ADARB2: variants seen among roughly 807,000 people sequenced by gnomAD.
ADARB2 encodes the protein inactive double-stranded RNA-specific editase B2.
In ADARB2, 25 loss-of-function variants were observed where a neutral mutation model predicts 62.2. That is an observed-to-expected ratio of 0.40 (90% confidence interval 0.29 to 0.56). ADARB2 has a LOEUF of 0.56. Ranked by LOEUF, ADARB2 falls within the 20% of genes least tolerant of loss-of-function variation. The pLI, the probability that ADARB2 is intolerant of heterozygous loss-of-function variation, is 0.43. For missense variants in ADARB2, 1,071 were observed against 1,077.4 expected (o/e 0.99, Z 0.08); for synonymous variants, 572 against 500.8 (o/e 1.14, Z -1.90).
intron 3 of ADARB2, among the ~76,000 whole-genome samples, chr10:1,305,400 G>A (rs996652814): frequency 5.3e-5 from 8 of 151,844 alleles, no homozygotes; most frequent in African/African-American, 1.4e-4. Flanking sequence ...TGAAATTGGG[G>A]CAATAATCAA....
chr10:1,473,276 T>C (rs1831350696), intron 1 of ADARB2, among the ~76,000 whole-genome samples: 1 of 152,248 alleles, frequency 6.6e-6, no homozygotes, highest in Non-Finnish European at 1.5e-5. Context: ...CTCAGGCGAA[T>C]TCTTTCTTCT....
At chr10:1,614,538 C>G (rs1334860982) in intron 1 of ADARB2, among the ~76,000 whole-genome samples, 1 of 152,178 alleles carries the variant, frequency 6.6e-6, no homozygotes, top group Non-Finnish European at 1.5e-5. Context: ...CCATCCCATA[C>G]AGAAAAATAG....
chr10:1,262,881 C>A (rs1320152152), intron 4 of ADARB2, among the ~76,000 whole-genome samples: 1 of 152,012 alleles, frequency 6.6e-6, no homozygotes, highest in Non-Finnish European at 1.5e-5. Flanking sequence ...GGAACCAAGC[C>A]ATATGTCCAA....
At chr10:1,622,835 C>T (rs998222584) in intron 1 of ADARB2, among the ~76,000 whole-genome samples, 3 of 152,134 alleles carry the variant, frequency 2.0e-5, no homozygotes, top group African/African-American at 4.8e-5. Flanking sequence ...GCACCCACCT[C>T]GGAGGAATGA....
intron 1 of ADARB2, among the ~76,000 whole-genome samples, chr10:1,422,802 C>T (rs924236975): frequency 1.3e-5 from 2 of 152,302 alleles, no homozygotes; most frequent in South Asian, 2.1e-4. Context: ...TTTCGGCCTG[C>T]GGCACCCAGG....
intron 1 of ADARB2, among the ~76,000 whole-genome samples, chr10:1,545,444 C>T (rs368543113): frequency 1.8e-4 from 27 of 152,168 alleles, no homozygotes; most frequent in Admixed American, 5.2e-4. Flanking sequence ...ACAAGTAGAA[C>T]AGAAATGAGA....
intron 8 of ADARB2, among the ~76,000 whole-genome samples, chr10:1,195,868 C>A (rs1054985042): frequency 4.6e-5 from 7 of 152,170 alleles, no homozygotes; most frequent in Non-Finnish European, 8.8e-5. Context: ...GTGCTTTTCC[C>A]GTTAGCCCTG....
At chr10:1,631,397 G>A (rs896427859) in intron 1 of ADARB2, among the ~76,000 whole-genome samples, 19 of 152,142 alleles carry the variant, frequency 1.2e-4, no homozygotes, top group African/African-American at 3.4e-4. Flanking sequence ...GTGAGGTCCC[G>A]TTCCTGGTGA....
chr10:1,211,464 G>A (rs1425068761), intron 7 of ADARB2, among the ~76,000 whole-genome samples: 1 of 152,154 alleles, frequency 6.6e-6, no homozygotes, highest in Non-Finnish European at 1.5e-5. Context: ...AATGCATGAC[G>A]TGGAATGAGA....
chr10:1,701,746 C>A (rs1455172640), intron 1 of ADARB2, among the ~76,000 whole-genome samples: 4 of 36,268 alleles, frequency 1.1e-4, no homozygotes, highest in Non-Finnish European at 1.1e-4. Context: ...CCCACTCCAC[C>A]GGGAGACCAG....
chr10:1,676,884 G>GTCAGAAACTCAGACC (rs1834472948), intron 1 of ADARB2, among the ~76,000 whole-genome samples: 1 of 152,224 alleles, frequency 6.6e-6, no homozygotes, highest in African/African-American at 2.4e-5. Flanking sequence ...CCCAGTGAGT[G>GTCAGAAACTCAGACC]TCAGAAACTC....
chr10:1,355,146 T>G (rs1388525749), intron 3 of ADARB2, among the ~76,000 whole-genome samples: 2 of 152,230 alleles, frequency 1.3e-5, no homozygotes, highest in Non-Finnish European at 2.9e-5. Context: ...AGTCTTTCAA[T>G]CAACTCTTCC....
At chr10:1,302,507 G>T (rs529103423) in intron 3 of ADARB2, among the ~76,000 whole-genome samples, 1 of 152,184 alleles carries the variant, frequency 6.6e-6, no homozygotes, top group African/African-American at 2.4e-5. Context: ...CGGGAAGCTC[G>T]AACTGGGTGG....
At chr10:1,184,212 C>T (rs577105869) in intron 9 of ADARB2, among the ~76,000 whole-genome samples, 1 of 152,238 alleles carries the variant, frequency 6.6e-6, no homozygotes, top group South Asian at 2.1e-4. Flanking sequence ...ATTATTCCTG[C>T]TTGGATTAAA....
In ADARB2 at chr10:1,376,689, C is replaced by T. The variant is rs1027089708; in HGVS notation, c.187+2385G>A. 3.3e-5 allele frequency among the ~76,000 whole-genome samples: 5 copies of T among 152,198 alleles called. No homozygotes were observed. In the East Asian group the frequency reaches 9.6e-4, roughly 29 times the overall value. On this transcript the variant is annotated intron_variant, in intron 2 of 9. Transcript: ENST00000381312. Reference sequence around the variant, plus strand: ...GCACCTCTGTAAGTTTGAAACCATTCGCTCCGCACCCCAAATGTCCTCTGG... The same window carrying T: ...GCACCTCTGTAAGTTTGAAACCATTTGCTCCGCACCCCAAATGTCCTCTGG...
chr10:1,227,549 C>T (rs549948231), intron 6 of ADARB2, among the ~76,000 whole-genome samples: 8 of 152,320 alleles, frequency 5.3e-5, no homozygotes, highest in African/African-American at 1.9e-4. Flanking sequence ...ATCTTGGCTC[C>T]TCCCCCTAGA....
At chr10:1,219,840 ATGATGG>A (rs1293527524) in intron 6 of ADARB2, among the ~76,000 whole-genome samples, 5 of 115,090 alleles carry the variant, frequency 4.3e-5, no homozygotes, top group East Asian at 2.3e-4. Flanking sequence ...GGTGGTGATG[ATGATGG>A]TGATGGTGAT....
At chr10:1,548,059 G>A (rs1832552984) in intron 1 of ADARB2, among the ~76,000 whole-genome samples, 1 of 151,964 alleles carries the variant, frequency 6.6e-6, no homozygotes, top group African/African-American at 2.4e-5. Flanking sequence ...TGGAGTCTGA[G>A]CTGCTGTGGT....
chr10:1,681,152 A>C (rs1238589868), intron 1 of ADARB2, among the ~76,000 whole-genome samples: 1 of 152,228 alleles, frequency 6.6e-6, no homozygotes, highest in Non-Finnish European at 1.5e-5. Context: ...TCTTCTCGTT[A>C]CAGAAGCTAC....
Sources: allele counts gnomAD v4.1 joint callset (sites outside exome capture counted in the v4.1 genomes callset), GRCh38; gene constraint gnomAD v4.1.1; transcripts MANE v1.5; gene names NCBI Gene and HGNC (gene_info 2026-07-23, HGNC 2026-07-21).